Variants in SPPL2A observed in about 807,000 individuals in gnomAD.
SPPL2A encodes signal peptide peptidase-like 2A.
SPPL2A carries 51 observed loss-of-function variants against 63.8 expected under a neutral mutation model. The ratio of observed to expected loss-of-function variants is 0.80; its 90% CI spans 0.64 to 1.01. SPPL2A has a LOEUF of 1.01. Ranked by LOEUF, SPPL2A falls within the 50% of genes least tolerant of loss-of-function variation. SPPL2A has a pLI of 0.00. For missense variants in SPPL2A, 553 were observed against 622.7 expected (o/e 0.89, Z 1.19); for synonymous variants, 188 against 205.8 (o/e 0.91, Z 0.74).
chr15:50,730,901 G>A (rs1045806615), intron 10 of SPPL2A, 64 bp downstream of exon 10: 4 of 711,996 alleles, frequency 5.6e-6, no homozygotes, highest in Non-Finnish European at 7.7e-6. Context: ...AATAATCTAG[G>A]AGCAGATTTA....
intron 14 of SPPL2A, among the ~76,000 whole-genome samples, chr15:50,712,460 G>C (rs908896734): frequency 1.3e-5 from 2 of 152,094 alleles, no homozygotes. Flanking sequence ...AGATGAGCCA[G>C]AGCTGACCCT....
At chr15:50,742,988 TG>T (rs2062833918) in intron 5 of SPPL2A, 1 of 152,230 alleles carries the variant, frequency 6.6e-6, no homozygotes, top group South Asian at 2.1e-4. Context: ...AATGCAGAAT[TG>T]GGCCAGGCAC....
intron 5 of SPPL2A, among the ~76,000 whole-genome samples, chr15:50,744,946 C>A (rs1355322749): frequency 6.6e-6 from 1 of 152,022 alleles, no homozygotes; most frequent in Non-Finnish European, 1.5e-5. Context: ...TTAATTAGAA[C>A]TGATTTTAAT....
chr15:50,715,101 T>A (rs1344124451), intron 14 of SPPL2A, among the ~76,000 whole-genome samples: 2 of 151,772 alleles, frequency 1.3e-5, no homozygotes, highest in African/African-American at 4.8e-5. Context: ...CAAAAGATTC[T>A]CCTGCCTCAG....
At chr15:50,756,351 C>T (rs116243012) in intron 1 of SPPL2A, among the ~76,000 whole-genome samples, 2,529 of 123,176 alleles carry the variant, frequency 0.021, 90 homozygotes, top group African/African-American at 0.078. Flanking sequence ...AGTCAGACTC[C>T]GTCTCAAAAA....
chr15:50,739,269 C>T (rs139508817), intron 6 of SPPL2A, among the ~76,000 whole-genome samples: 2,567 of 151,202 alleles, frequency 0.017, 32 homozygotes, highest in African/African-American at 0.03. Flanking sequence ...AACTCCACCT[C>T]CCAGGTTCGA....
At position 50,728,874 on chromosome 15, in the gene SPPL2A, C is replaced by T. The variant is rs145507150; in HGVS notation, c.1089+2091G>A. Among the ~76,000 whole-genome samples the T allele has an allele frequency of 2.6e-3, 383 of 149,152 alleles. 3 individuals carry two copies. Among genetic ancestry groups the T allele is most frequent in the African/African-American group, 9.2e-3 (371 of 40,304 alleles). On this transcript the variant is annotated intron_variant, in intron 10 of 14. Coordinates refer to ENST00000261854, the MANE Select transcript of SPPL2A (RefSeq NM_032802.4). ...CTGTTGCCCGGCTGGAGTGCAGTGG[C>T]GCAATCTTGGCTCACTGCAACCTCC...
chr15:50,749,940 C>T (rs1596395480), intron 1 of SPPL2A, 194 bp from the exon 2 acceptor site: 2 of 574,768 alleles, frequency 3.5e-6, no homozygotes, highest in Non-Finnish European at 6.2e-6. Context: ...AATTGCCCAG[C>T]ACACCTTCTT....
At chr15:50,728,995 G>T (rs1228243990) in intron 10 of SPPL2A, among the ~76,000 whole-genome samples, 1 of 151,946 alleles carries the variant, frequency 6.6e-6, no homozygotes, top group Non-Finnish European at 1.5e-5. Flanking sequence ...TGTATTTTTA[G>T]TAGAGATGGG....
chr15:50,713,145 T>C (rs1205480631), intron 14 of SPPL2A, among the ~76,000 whole-genome samples: 1 of 152,184 alleles, frequency 6.6e-6, no homozygotes, highest in Admixed American at 6.6e-5. Flanking sequence ...CTAATTTTGA[T>C]TTTAAATGTT....
rs1428654864 is a variant in SPPL2A at position 50,707,615 on chromosome 15, C to A, written c.*185G>T. The A allele has an allele frequency of 1.8e-6, 1 of 549,698 alleles. No individual in the cohort carries two copies. Among genetic ancestry groups the A allele is most frequent in the Non-Finnish European group, 3.2e-6 (1 of 309,716 alleles). 34.1% of individuals were successfully genotyped at this position (549,698 alleles called of 1,614,324 possible). On this transcript the variant is annotated 3_prime_UTR_variant, in exon 15 of 15. Transcript: ENST00000261854. The stretch of plus-strand genomic sequence containing the variant: ...TGTTTTATTTAATGTGAAGGCACAA[C>A]TTTAACATTAAAAGCAAAGCGTTTT...
rs1596379891 is a variant in SPPL2A, at chr15:50,722,308, A to G, written c.1250-107T>C. The G allele has an allele frequency of 3.3e-5, 21 of 639,736 alleles. No individual in the cohort carries two copies. The East Asian group carries it at 4.9e-4, about 15-fold the overall frequency. 39.6% of individuals were successfully genotyped at this position (639,736 alleles called of 1,614,324 possible). A position where few individuals can be genotyped will look rare whatever the true frequency, so the allele number is the denominator to read the frequency against. On this transcript the variant is annotated intron_variant, in intron 12 of 14. Transcript: ENST00000261854. ...TATATTGAATCTTCATTGTTGCATTATAAGAACATTCAAGTACCTCAAATT... is the reference window on the plus strand; with the variant it reads ...TATATTGAATCTTCATTGTTGCATTGTAAGAACATTCAAGTACCTCAAATT...
rs1002577975 is a variant in SPPL2A, at chr15:50,703,310, A to G, written c.*4490T>C. The G allele has an allele frequency of 4.3e-5, 6 of 139,656 alleles. No individual in the cohort carries two copies. Among genetic ancestry groups the G allele is most frequent in the African/African-American group, 1.6e-4 (6 of 37,428 alleles). The allele number at this position is 139,656 out of a possible 1,614,324, so 8.7% of individuals were successfully genotyped here. Reference sequence around the variant, plus strand: ...AATTTTAGAGATTAAGCCTAAATAAATTAGTTCATATATACATATATATAT... The same window carrying G: ...AATTTTAGAGATTAAGCCTAAATAAGTTAGTTCATATATACATATATATAT... On this transcript the variant is annotated 3_prime_UTR_variant, in exon 15 of 15. Coordinates refer to ENST00000261854, the MANE Select transcript of SPPL2A (RefSeq NM_032802.4).
In SPPL2A at chr15:50,736,173, A is replaced by T; in HGVS notation, c.860T>A (p.Val287Glu). The T allele has an allele frequency of 6.2e-7, 1 of 1,613,090 alleles. No homozygotes were observed. The highest frequency in any genetic ancestry group is 8.5e-7 in the Non-Finnish European group (1 of 1,179,372). Residue 287 changes from valine to glutamate, a missense_variant, in exon 8 of 15, where the codon GTG becomes GAG. Transcript: ENST00000261854. Reference protein sequence around the residue: ...TIACRGKNMEVRLIFLSGLCI... With the variant: ...TIACRGKNMEERLIFLSGLCI... ...CAGTCCAGAGAGAAAAATAAGTCTC[A>T]CTTCCATGTTTTTGCCACGACATGC...
At chr15:50,735,982 A>G in intron 8 of SPPL2A, 119 bp downstream of exon 8, 2 of 619,974 alleles carry the variant, frequency 3.2e-6, no homozygotes, top group East Asian at 2.8e-5. Flanking sequence ...GTAGTTCATT[A>G]CAAGACTGGT....
chr15:50,734,092 CAAAAA>C (rs1275859890), intron 8 of SPPL2A, among the ~76,000 whole-genome samples: 1 of 151,954 alleles, frequency 6.6e-6, no homozygotes, highest in East Asian at 1.9e-4. Context: ...GGAAATTCCT[CAAAAA>C]AACTAAAAAC....
chr15:50,733,584 T>C (rs960607924), intron 8 of SPPL2A, among the ~76,000 whole-genome samples: 3 of 152,110 alleles, frequency 2.0e-5, no homozygotes, highest in African/African-American at 7.2e-5. Context: ...ATTGGGGAAA[T>C]GCTCCAGGAC....
chr15:50,732,739 C>T (rs2141036327), intron 8 of SPPL2A, 55 bp from the exon 9 acceptor site: 1 of 1,040,842 alleles, frequency 9.6e-7, no homozygotes, highest in East Asian at 2.5e-5. Flanking sequence ...TGAAGCCTTT[C>T]AAAAGACATA....
chr15:50,720,720 A>C (rs575700339), intron 13 of SPPL2A, among the ~76,000 whole-genome samples: 26 of 151,834 alleles, frequency 1.7e-4, no homozygotes, highest in Non-Finnish European at 3.7e-4. Flanking sequence ...GGGTTTCTCC[A>C]TGTTGGTCAG....
Sources: allele counts gnomAD v4.1 joint callset (sites outside exome capture counted in the v4.1 genomes callset), GRCh38; gene constraint gnomAD v4.1.1; transcripts MANE v1.5; gene names NCBI Gene and HGNC (gene_info 2026-07-23, HGNC 2026-07-21).